Variants in ARHGAP23 observed in about 807,000 individuals in gnomAD.
ARHGAP23 encodes Rho GTPase activating protein 23.
ARHGAP23 carries 34 observed loss-of-function variants against 136.3 expected under a neutral mutation model. The observed-to-expected ratio is 0.25, with a 90% CI of 0.19 to 0.33. The LOEUF is 0.33. Among genes scored for constraint, ARHGAP23 ranks in the 10% least tolerant of loss-of-function variants. The pLI is 1.00. For synonymous variants in ARHGAP23, 832 were observed against 920.5 expected, an observed-to-expected ratio of 0.90 and a Z score of 1.74; for missense variants, 1,808 against 2,139.0, an observed-to-expected ratio of 0.85 and a Z score of 3.05.
intron 18 of ARHGAP23, 105 bp downstream of exon 18, chr17:38,490,280 G>A (rs1460722843): frequency 2.4e-6 from 3 of 1,267,388 alleles, no homozygotes; most frequent in Non-Finnish European, 3.4e-6. Flanking sequence ...CTGTGGCCTT[G>A]GAGAAGCCCC....
chr17:38,456,054 C>T (rs966758110), intron 1 of ARHGAP23, among the ~76,000 whole-genome samples: 16 of 152,246 alleles, frequency 1.1e-4, no homozygotes, highest in East Asian at 3.9e-4. Context: ...TTTTCCAGAC[C>T]GTATAGGAGT....
intron 16 of ARHGAP23, among the ~76,000 whole-genome samples, chr17:38,485,825 G>A (rs922880271): frequency 1.3e-5 from 2 of 152,212 alleles, no homozygotes; most frequent in Admixed American, 6.5e-5. Context: ...GCATGGGGAG[G>A]TGTTGGAGCC....
chr17:38,484,111 G>T (rs1289553966), intron 16 of ARHGAP23, among the ~76,000 whole-genome samples: 1 of 152,182 alleles, frequency 6.6e-6, no homozygotes, highest in African/African-American at 2.4e-5. Flanking sequence ...CATTGGATAC[G>T]AATGCGGAGG....
intron 1 of ARHGAP23, among the ~76,000 whole-genome samples, chr17:38,448,708 C>G (rs951217513): frequency 6.9e-6 from 1 of 145,600 alleles, no homozygotes; most frequent in African/African-American, 2.6e-5. Context: ...TGCAGTGGCG[C>G]GAACACAGCT....
Position 38,469,285 on chromosome 17 carries a change from A to T in ARHGAP23, c.1790A>T (p.Tyr597Phe). The T allele has an allele frequency of 6.4e-7, 1 of 1,550,734 alleles. No homozygotes were observed. The highest frequency in any genetic ancestry group is 8.7e-7 in the Non-Finnish European group (1 of 1,146,502). The change falls in exon 8 of 24, where the codon TAC becomes TTC. Residue 597 changes from tyrosine (Y) to phenylalanine (F), a missense_variant. By Grantham distance (22) the Tyr-to-Phe change is conservative. This residue lies in a region of ARHGAP23 where 859 missense variants were observed against 936.4 expected (regional missense o/e 0.92). Transcript: ENST00000622683. Reference sequence around the variant, plus strand: ...TTCACTTTCACCCTCGGACGCCATTACTCGCAGGACTGCAGTGAGCACTCC... The same window carrying T: ...TTCACTTTCACCCTCGGACGCCATTTCTCGCAGGACTGCAGTGAGCACTCC... ...PTFTFTLGRH[Y>F]SQDCSSIKAG...
At chr17:38,485,379 G>A (rs532905676) in intron 16 of ARHGAP23, among the ~76,000 whole-genome samples, 12 of 152,326 alleles carry the variant, frequency 7.9e-5, no homozygotes, top group Non-Finnish European at 1.3e-4. Flanking sequence ...CAGGTTAACT[G>A]TCCTTGCTAG....
chr17:38,505,537 C>G (rs1225132496), intron 23 of ARHGAP23, among the ~76,000 whole-genome samples: 1 of 152,206 alleles, frequency 6.6e-6, no homozygotes, highest in Non-Finnish European at 1.5e-5. Context: ...GAAACCTCCC[C>G]ATGACCCTGA....
At chr17:38,423,195 ATT>A (rs879795174) in intron 1 of ARHGAP23, among the ~76,000 whole-genome samples, 6 of 142,740 alleles carry the variant, frequency 4.2e-5, no homozygotes, top group African/African-American at 5.1e-5. Flanking sequence ...GTGCTCAATA[ATT>A]TTTTTTTTTT....
chr17:38,437,121 A>G (rs116488330), intron 1 of ARHGAP23, among the ~76,000 whole-genome samples: 21 of 152,296 alleles, frequency 1.4e-4, no homozygotes, highest in African/African-American at 3.6e-4. Context: ...CCAAGCATCA[A>G]ATTTCAAGCT....
At chr17:38,463,947 G>T (rs1316198801) in intron 6 of ARHGAP23, among the ~76,000 whole-genome samples, 1 of 151,898 alleles carries the variant, frequency 6.6e-6, no homozygotes, top group East Asian at 1.9e-4. Flanking sequence ...CACTGCCACA[G>T]TTCACCCTCA....
intron 20 of ARHGAP23, among the ~76,000 whole-genome samples, chr17:38,496,927 T>G (rs2040405066): frequency 6.7e-6 from 1 of 149,734 alleles, no homozygotes; most frequent in Non-Finnish European, 1.5e-5. Flanking sequence ...CACTCCAGCC[T>G]GGGTGACAGA....
Position 38,466,693 on chromosome 17 carries a change from C to A in ARHGAP23, c.1010C>A (p.Ala337Asp). 6.5e-7 allele frequency: 1 copy of A among 1,528,090 alleles called. No individual in the cohort carries two copies. Among genetic ancestry groups the A allele is most frequent in the South Asian group, 1.2e-5 (1 of 80,844 alleles). The allele number at this position is 1,528,090 out of a possible 1,614,324, so 94.7% of individuals were successfully genotyped here. ...RPWPCSTSQD[A>D]LSQLGQEGWH... is the part of the protein sequence containing the mutation. Reference sequence around the variant, plus strand: ...TGGCCCTGCTCCACCTCCCAGGATGCTTTGAGCCAGCTGGGCCAGGAGGGC... The same window carrying A: ...TGGCCCTGCTCCACCTCCCAGGATGATTTGAGCCAGCTGGGCCAGGAGGGC... Residue 337 changes from alanine to aspartate, a missense_variant, in exon 7 of 24, where the codon GCT becomes GAT. Ala to Asp is a moderately radical substitution (Grantham distance 126, BLOSUM62 -2). This residue lies in a region of ARHGAP23 where 859 missense variants were observed against 936.4 expected (regional missense o/e 0.92). Transcript: ENST00000622683.
Position 38,511,289 on chromosome 17 carries a change from C to G in ARHGAP23, c.*317C>G, listed in dbSNP as rs894402951. ...GCCTTTCTGTGGCTGCACTTGGGGA[C>G]CCTTGTGGACCATGGGGTGTGGCTA... is the stretch of plus-strand genomic sequence containing the variant. On this transcript the variant is annotated 3_prime_UTR_variant, in exon 24 of 24. Coordinates refer to ENST00000622683, the MANE Select transcript of ARHGAP23 (RefSeq NM_001199417.2). 5 of 331,358 alleles carry G rather than the reference C, an allele frequency of 1.5e-5. No individual in the cohort carries two copies. The highest frequency in any genetic ancestry group is 2.2e-5 in the Non-Finnish European group (4 of 183,884). 20.5% of individuals were successfully genotyped at this position (331,358 alleles called of 1,614,324 possible).
intron 1 of ARHGAP23, 119 bp downstream of exon 1, chr17:38,428,667 G>GT: frequency 7.0e-6 from 4 of 570,088 alleles, no homozygotes; most frequent in Non-Finnish European, 1.0e-5. Context: ...GGTGGGCGCG[G>GT]GCACCGCGGG....
chr17:38,483,535 G>A (rs1278188167), intron 16 of ARHGAP23, among the ~76,000 whole-genome samples: 1 of 152,250 alleles, frequency 6.6e-6, no homozygotes, highest in African/African-American at 2.4e-5. Context: ...GGGTTTTCAT[G>A]TACAATTTTA....
intron 12 of ARHGAP23, among the ~76,000 whole-genome samples, chr17:38,478,313 C>T (rs1235723067): frequency 1.3e-5 from 2 of 152,180 alleles, no homozygotes; most frequent in Non-Finnish European, 2.9e-5. Flanking sequence ...GGCCTGTCTG[C>T]AGAAGGATGA....
intron 1 of ARHGAP23, among the ~76,000 whole-genome samples, chr17:38,433,567 G>C (rs1006519916): frequency 3.9e-5 from 6 of 152,182 alleles, no homozygotes; most frequent in African/African-American, 1.4e-4. Flanking sequence ...ATTCAGCAAA[G>C]GCTTGGCACA....
intron 1 of ARHGAP23, among the ~76,000 whole-genome samples, chr17:38,422,239 A>C (rs574048696): frequency 6.6e-6 from 1 of 152,330 alleles, no homozygotes; most frequent in African/African-American, 2.4e-5. Context: ...TAGCGGGGCT[A>C]ATAATACCCA....
intron 7 of ARHGAP23, among the ~76,000 whole-genome samples, chr17:38,467,710 C>A (rs1210053590): frequency 6.6e-6 from 1 of 151,908 alleles, no homozygotes; most frequent in Non-Finnish European, 1.5e-5. Context: ...ATCCATCCAT[C>A]TATTCTTCCT....
Sources: allele counts gnomAD v4.1 joint callset (sites outside exome capture counted in the v4.1 genomes callset), GRCh38; gene constraint gnomAD v4.1.1; regional missense constraint gnomAD v4.1.1; transcripts MANE v1.5; gene names NCBI Gene and HGNC (gene_info 2026-07-23, HGNC 2026-07-21).